Variants in ITGA2 observed in about 807,000 individuals in gnomAD.
The protein encoded by ITGA2 is integrin alpha-2.
In ITGA2, 101 loss-of-function variants were observed where a neutral mutation model predicts 146.3. The observed-to-expected ratio is 0.69, with a 90% confidence interval of 0.59 to 0.81. The LOEUF (loss-of-function observed/expected upper bound fraction) is 0.81. ITGA2 is among the 40% of genes least tolerant of loss of function. The probability of loss-of-function intolerance (pLI) is 0.00; values close to 1 mark genes in which losing one functional copy is unlikely to be tolerated. For missense variants in ITGA2, 1,281 were observed against 1,402.7 expected (o/e 0.91, Z 1.39); for synonymous variants, 477 against 487.1 (o/e 0.98, Z 0.27).
chr5:53,039,780 T>C (rs1743692926), intron 2 of ITGA2, among the ~76,000 whole-genome samples: 2 of 151,204 alleles, frequency 1.3e-5, no homozygotes, highest in Admixed American at 1.3e-4. Flanking sequence ...GATTTTCTGC[T>C]TAACTTTTCC....
chr5:53,080,679 G>A (rs2112024109), intron 25 of ITGA2, 58 bp downstream of exon 25: 1 of 1,198,294 alleles, frequency 8.3e-7, no homozygotes, highest in South Asian at 1.2e-5. Context: ...TAACCCATGA[G>A]ATTAGGGTGA....
In ITGA2 at chr5:53,074,377, T is replaced by G; in HGVS notation, c.2572-8T>G. The stretch of plus-strand genomic sequence containing the variant: ...ATTGATCATTGTTGTTTCCTTGGTC[T>G]TGTTCAGGTTGATGGGACAGAAGTA... On this transcript the variant is annotated splice_region_variant and splice_polypyrimidine_tract_variant and intron_variant, in intron 20 of 29. Coordinates refer to ENST00000296585, the MANE Select transcript of ITGA2 (RefSeq NM_002203.4). The G allele has an allele frequency of 1.2e-6, 2 of 1,611,008 alleles. No individual in the cohort carries two copies. The highest frequency in any genetic ancestry group is 1.1e-5 in the South Asian group (1 of 91,016).
chr5:53,087,122 T>C, intron 28 of ITGA2, 81 bp downstream of exon 28: 1 of 908,928 alleles, frequency 1.1e-6, no homozygotes, highest in South Asian at 1.3e-5. Flanking sequence ...TAGTCACTCT[T>C]CTTACCTACA....
intron 23 of ITGA2, among the ~76,000 whole-genome samples, chr5:53,077,880 C>T (rs931879542): frequency 6.6e-6 from 1 of 152,134 alleles, no homozygotes; most frequent in East Asian, 1.9e-4. Context: ...CTATAATTAA[C>T]GTAAATTGTC....
intron 11 of ITGA2, 110 bp downstream of exon 11, chr5:53,060,122 T>A: frequency 9.0e-7 from 1 of 1,109,962 alleles, no homozygotes; most frequent in Non-Finnish European, 1.4e-6. Context: ...GTCATCTAAT[T>A]ATCATATTTA....
At chr5:53,024,872 T>C (rs1053525521) in intron 1 of ITGA2, among the ~76,000 whole-genome samples, 1 of 152,216 alleles carries the variant, frequency 6.6e-6, no homozygotes, top group Non-Finnish European at 1.5e-5. Context: ...AGTGAGGACA[T>C]TGGATTTTAT....
In ITGA2 at chr5:53,074,447, A is replaced by G. The variant is rs1387071459; in HGVS notation, c.2634A>G (p.Val878=). ...CTCAGAAGTCTGTTGCCTGCGATGT[A>G]GGCTACCCTGCTTTAAAGAGAGAAC... ...AASQKSVACD[V]GYPALKREQQ... is the part of the protein sequence containing the mutation. The change falls in exon 21 of 30, where the codon GTA becomes GTG. Residue 878 remains valine, a synonymous_variant. Transcript: ENST00000296585. The G allele has an allele frequency of 6.2e-7, 1 of 1,612,350 alleles. No individual in the cohort carries two copies. The highest frequency in any genetic ancestry group is 8.5e-7 in the Non-Finnish European group (1 of 1,178,918).
chr5:52,998,506 T>G (rs1741393594), intron 1 of ITGA2, among the ~76,000 whole-genome samples: 1 of 151,842 alleles, frequency 6.6e-6, no homozygotes, highest in African/African-American at 2.4e-5. Context: ...TCCCATGAGC[T>G]CCTGCCTTTT....
intron 10 of ITGA2, among the ~76,000 whole-genome samples, chr5:53,058,782 C>T (rs562931890): frequency 2.6e-5 from 4 of 151,964 alleles, no homozygotes; most frequent in African/African-American, 7.2e-5. Flanking sequence ...TGTTTTCTAT[C>T]TAGAATCAAA....
rs1269504533 is a variant in ITGA2, at chr5:53,059,755, AT to A, written c.1174-118del. The A allele has an allele frequency of 3.2e-6, 3 of 941,310 alleles. No homozygotes were observed. In the African/African-American group the frequency reaches 4.9e-5, roughly 15 times the overall value. The allele number at this position is 941,310 out of a possible 1,614,324, so 58.3% of individuals were successfully genotyped here. On this transcript the variant is annotated intron_variant, in intron 10 of 29. Transcript: ENST00000296585. ...TTCTACAATATGTCAATATATGTTC[AT>A]ATATATTTCATCATTTTTAATAAAT...
rs1272040681 is a variant in ITGA2, at chr5:53,072,703, T to G, written c.2429+8T>G. ...ACAAATACCAGCTGCTCAGTAAGTT[T>G]TACTTTAAAGCTTGTTGTAAAATGT... On this transcript the variant is annotated splice_region_variant and intron_variant, in intron 19 of 29. Coordinates refer to ENST00000296585, the MANE Select transcript of ITGA2 (RefSeq NM_002203.4). 1 of 1,600,174 alleles carries G rather than the reference T, an allele frequency of 6.2e-7. No homozygotes were observed.
Position 53,044,274 on chromosome 5 carries a change from C to CAAAAAAA in ITGA2, c.296-701_296-695dup, listed in dbSNP as rs11421419. Reference sequence around the variant, plus strand: ...TGGATGACAGAGTGAGACTCTGTCTCAAAAAAAAAAAAAAAAAAAAAAAAA... The same window carrying CAAAAAAA: ...TGGATGACAGAGTGAGACTCTGTCTCAAAAAAAAAAAAAAAAAAAAAAAAAAAAAAAA... On this transcript the variant is annotated intron_variant, in intron 3 of 29. Transcript: ENST00000296585. Among the ~76,000 whole-genome samples the CAAAAAAA allele has an allele frequency of 7.1e-3, 267 of 37,780 alleles. 17 individuals are homozygous for CAAAAAAA. The highest frequency in any genetic ancestry group is 0.011 in the African/African-American group (73 of 6,554). 24.8% of individuals were successfully genotyped at this position (37,780 alleles called of 152,430 possible).
At chr5:53,089,903 T>G (rs974151814) in intron 28 of ITGA2, 43 bp from the exon 29 acceptor site, 6 of 1,157,924 alleles carry the variant, frequency 5.2e-6, no homozygotes, top group Non-Finnish European at 6.5e-6. Flanking sequence ...TCCCCCCTTT[T>G]TTGTGGTATT....
At chr5:53,077,880 C>A (rs931879542) in intron 23 of ITGA2, among the ~76,000 whole-genome samples, 1 of 152,016 alleles carries the variant, frequency 6.6e-6, no homozygotes, top group Non-Finnish European at 1.5e-5. Context: ...CTATAATTAA[C>A]GTAAATTGTC....
At chr5:53,056,197 T>C (rs1447427540) in intron 9 of ITGA2, 48 bp downstream of exon 9, 2 of 1,533,254 alleles carry the variant, frequency 1.3e-6, no homozygotes, top group Non-Finnish European at 1.8e-6. Flanking sequence ...AATGTTTAAA[T>C]AATTGTTTAT....
chr5:53,058,199 G>A (rs188809788), intron 10 of ITGA2, 98 bp downstream of exon 10: 5 of 876,038 alleles, frequency 5.7e-6, no homozygotes, highest in African/African-American at 1.7e-5. Flanking sequence ...GCCATCTAGG[G>A]ATCAGCCCTT....
chr5:53,051,968 G>T (rs952447793), intron 7 of ITGA2, among the ~76,000 whole-genome samples: 2 of 152,142 alleles, frequency 1.3e-5, no homozygotes, highest in Admixed American at 1.3e-4. Context: ...ACGAGTTTAA[G>T]TTTATTATGC....
intron 1 of ITGA2, among the ~76,000 whole-genome samples, chr5:53,005,055 T>A (rs1170049882): frequency 6.6e-6 from 1 of 151,908 alleles, no homozygotes; most frequent in Non-Finnish European, 1.5e-5. Flanking sequence ...TGACCTATGA[T>A]CATTTCCCGT....
chr5:53,038,412 G>T (rs777267023), intron 2 of ITGA2, among the ~76,000 whole-genome samples: 4 of 152,092 alleles, frequency 2.6e-5, no homozygotes, highest in African/African-American at 9.7e-5. Context: ...AACATGCCTT[G>T]TTCCTACCTG....
Sources: gnomAD v4.1 joint callset for allele counts (sites outside exome capture counted in the v4.1 genomes callset) on GRCh38, gnomAD v4.1.1 for gene constraint, MANE v1.5 for transcripts, NCBI Gene and HGNC (gene_info 2026-07-23, HGNC 2026-07-21) for gene names.